PARD3: variants seen among roughly 807,000 people sequenced by gnomAD.
PARD3 encodes the protein par-3 family cell polarity regulator.
A neutral mutation model predicts 155.4 loss-of-function variants in PARD3; 75 were observed. The ratio of observed to expected loss-of-function variants is 0.48; its 90% CI spans 0.40 to 0.58. PARD3 has a LOEUF of 0.58. PARD3 is among the 20% of genes least tolerant of loss of function. The pLI, the probability that PARD3 is intolerant of heterozygous loss-of-function variation, is 0.00. For synonymous variants in PARD3, 576 were observed against 610.5 expected, an observed-to-expected ratio of 0.94 and a Z score of 0.83; for missense variants, 1,642 against 1,721.7, an observed-to-expected ratio of 0.95 and a Z score of 0.82.
At chr10:34,270,734 G>A (rs994357497) in intron 21 of PARD3, among the ~76,000 whole-genome samples, 10 of 152,136 alleles carry the variant, frequency 6.6e-5, no homozygotes, top group South Asian at 2.1e-4. Flanking sequence ...TAATGACATC[G>A]ACTCTGTCAT....
chr10:34,423,679 A>G (rs2075437701), intron 5 of PARD3, among the ~76,000 whole-genome samples: 1 of 152,182 alleles, frequency 6.6e-6, no homozygotes, highest in Non-Finnish European at 1.5e-5. Context: ...ACTGATTCAC[A>G]TATACACAAA....
At chr10:34,404,455 C>A (rs934483845) in intron 5 of PARD3, among the ~76,000 whole-genome samples, 1 of 152,096 alleles carries the variant, frequency 6.6e-6, no homozygotes, top group Non-Finnish European at 1.5e-5. Context: ...CCACTTGAAC[C>A]CAGGATTTCA....
At chr10:34,636,542 G>GC in intron 2 of PARD3, among the ~76,000 whole-genome samples, 1 of 152,326 alleles carries the variant, frequency 6.6e-6, no homozygotes, top group Admixed American at 6.5e-5. Context: ...CGGGGTGGAG[G>GC]CATGGAAAAC....
intron 2 of PARD3, among the ~76,000 whole-genome samples, chr10:34,575,108 GT>G (rs2086781674): frequency 6.6e-6 from 1 of 152,094 alleles, no homozygotes; most frequent in African/African-American, 2.4e-5. Flanking sequence ...ACCTCCCAAA[GT>G]GCTGGGATTA....
At chr10:34,653,114 T>G (rs1564464186) in intron 2 of PARD3, among the ~76,000 whole-genome samples, 1 of 152,200 alleles carries the variant, frequency 6.6e-6, no homozygotes, top group Non-Finnish European at 1.5e-5. Flanking sequence ...GAGAAAGGTT[T>G]GGAGGGTCTT....
chr10:34,163,022 T>C (rs1350746438), intron 22 of PARD3, among the ~76,000 whole-genome samples: 1 of 152,204 alleles, frequency 6.6e-6, no homozygotes, highest in Non-Finnish European at 1.5e-5. Context: ...AGGTAGATTA[T>C]TACATTACAT....
At chr10:34,311,266 T>C (rs959117308) in intron 20 of PARD3, among the ~76,000 whole-genome samples, 1 of 152,110 alleles carries the variant, frequency 6.6e-6, no homozygotes, top group Non-Finnish European at 1.5e-5. Flanking sequence ...TTTATTTTTT[T>C]TTATTTATTT....
intron 1 of PARD3, among the ~76,000 whole-genome samples, chr10:34,787,847 C>T (rs1841170395): frequency 6.6e-6 from 1 of 151,416 alleles, no homozygotes; most frequent in Non-Finnish European, 1.5e-5. Context: ...GTGGCGCAAC[C>T]AGAGCTCTCT....
intron 2 of PARD3, among the ~76,000 whole-genome samples, chr10:34,581,138 T>A (rs2087413827): frequency 6.6e-6 from 1 of 152,194 alleles, no homozygotes. Flanking sequence ...ATTGCACTGT[T>A]TAAATACAGC....
At chr10:34,770,569 C>T (rs1838728806) in intron 1 of PARD3, among the ~76,000 whole-genome samples, 1 of 152,126 alleles carries the variant, frequency 6.6e-6, no homozygotes, top group Non-Finnish European at 1.5e-5. Context: ...TTGCGCTGGA[C>T]CTGCATTCTG....
At chr10:34,232,422 T>C (rs1335406828) in intron 22 of PARD3, among the ~76,000 whole-genome samples, 2 of 152,116 alleles carry the variant, frequency 1.3e-5, no homozygotes, top group Non-Finnish European at 2.9e-5. Context: ...AACACGGCCA[T>C]GTGGGCTTCT....
chr10:34,353,938 G>A (rs1838490665), intron 14 of PARD3, among the ~76,000 whole-genome samples: 1 of 150,810 alleles, frequency 6.6e-6, no homozygotes, highest in Non-Finnish European at 1.5e-5. Context: ...TTTCTTTGAA[G>A]AAAGAAAAAA....
intron 3 of PARD3, among the ~76,000 whole-genome samples, chr10:34,503,056 T>TA (rs140849962): frequency 0.065 from 9,871 of 151,986 alleles, 437 homozygotes; most frequent in African/African-American, 0.13. Flanking sequence ...TTCTGGTTAT[T>TA]AAAAAAAATT....
At chr10:34,694,632 G>T (rs948728517) in intron 2 of PARD3, among the ~76,000 whole-genome samples, 2 of 151,674 alleles carry the variant, frequency 1.3e-5, no homozygotes, top group Non-Finnish European at 2.9e-5. Flanking sequence ...CACCACAGCC[G>T]GCTAATTTTT....
intron 3 of PARD3, among the ~76,000 whole-genome samples, chr10:34,475,368 G>A (rs922243364): frequency 7.9e-5 from 12 of 152,246 alleles, no homozygotes; most frequent in African/African-American, 2.9e-4. Context: ...ATATGAAAAA[G>A]TATATAAAGG....
intron 22 of PARD3, among the ~76,000 whole-genome samples, chr10:34,253,740 G>C (rs1954470439): frequency 6.6e-6 from 1 of 152,146 alleles, no homozygotes; most frequent in African/African-American, 2.4e-5. Context: ...CAGGGCAAGA[G>C]GTATCTAGGA....
intron 1 of PARD3, among the ~76,000 whole-genome samples, chr10:34,803,985 A>G (rs1588838098): frequency 6.6e-6 from 1 of 151,978 alleles, no homozygotes; most frequent in East Asian, 1.9e-4. Context: ...GCAGTAAAAA[A>G]TAGTTATCAA....
At chr10:34,276,259 TAA>T (rs1955874135) in intron 21 of PARD3, among the ~76,000 whole-genome samples, 3 of 149,574 alleles carry the variant, frequency 2.0e-5, no homozygotes, top group African/African-American at 4.9e-5. Flanking sequence ...AAAAAAAAAA[TAA>T]AGTGTTCCAT....
chr10:34,661,593 G>A (rs2489661), intron 2 of PARD3, among the ~76,000 whole-genome samples: 51,172 of 152,090 alleles, frequency 0.34, 8,709 homozygotes, highest in South Asian at 0.43. Flanking sequence ...AGAGCCGGAT[G>A]TTTTATTGCA....
Sources: gnomAD v4.1 joint callset for allele counts (sites outside exome capture counted in the v4.1 genomes callset) on GRCh38, gnomAD v4.1.1 for gene constraint, MANE v1.5 for transcripts, NCBI Gene and HGNC (gene_info 2026-07-23, HGNC 2026-07-21) for gene names.